The following TNFSF11 variants were observed in gnomAD, a reference collection of about 807,000 sequenced individuals.
TNFSF11 encodes the protein tumor necrosis factor ligand superfamily member 11.
A neutral mutation model predicts 32.2 loss-of-function variants in TNFSF11; 12 were observed. The ratio of observed to expected loss-of-function variants is 0.37; its 90% CI spans 0.24 to 0.60. The LOEUF is 0.60. Among genes scored for constraint, TNFSF11 ranks in the 20% least tolerant of loss-of-function variants. The pLI, the probability that TNFSF11 is intolerant of heterozygous loss-of-function variation, is 0.66. For missense variants in TNFSF11, 345 were observed against 398.0 expected (o/e 0.87, Z 1.13); for synonymous variants, 172 against 152.1 (o/e 1.13, Z -0.96).
At chr13:42,588,931 C>G (rs1013771478) in intron 2 of TNFSF11, among the ~76,000 whole-genome samples, 1 of 152,162 alleles carries the variant, frequency 6.6e-6, no homozygotes, top group African/African-American at 2.4e-5. Flanking sequence ...CTTGCTCAAA[C>G]TTTTGGAAGT....
rs74426857 is a variant in TNFSF11 at position 42,605,945 on chromosome 13, T to G, written c.533-552T>G. The stretch of plus-strand genomic sequence containing the variant: ...CCTCTTCATGAGTTAAAAGAGAAGG[T>G]TGAGACTTGTGACATGTGGAAATTG... On this transcript the variant is annotated intron_variant, in intron 4 of 4. Transcript: ENST00000398795. 7.6e-3 allele frequency among the ~76,000 whole-genome samples: 1,161 copies of G among 152,250 alleles called. 14 individuals carry two copies. Among genetic ancestry groups the G allele is most frequent in the African/African-American group, 0.025 (1,057 of 41,530 alleles).
At chr13:42,577,436 G>C (rs1343957133) in intron 1 of TNFSF11, among the ~76,000 whole-genome samples, 5 of 151,966 alleles carry the variant, frequency 3.3e-5, no homozygotes, top group Non-Finnish European at 7.4e-5. Context: ...CCCTGCCAAA[G>C]AGAAAATAGT....
chr13:42,564,120 A>T (rs1169363551), intron 1 of TNFSF11, among the ~76,000 whole-genome samples: 4 of 150,296 alleles, frequency 2.7e-5, no homozygotes, highest in Non-Finnish European at 4.5e-5. Context: ...AATCTAGTTA[A>T]TTATTAATTT....
chr13:42,596,410 C>T (rs1210360938), intron 2 of TNFSF11, among the ~76,000 whole-genome samples: 1 of 152,132 alleles, frequency 6.6e-6, no homozygotes, highest in African/African-American at 2.4e-5. Context: ...TTCAGAGTTA[C>T]TGCTTCAGGG....
In TNFSF11 at chr13:42,591,006, T is replaced by A. The variant is rs17063458; in HGVS notation, c.387+9713T>A. Among the ~76,000 whole-genome samples the A allele has an allele frequency of 2.9e-3, 437 of 152,248 alleles. 2 individuals carry two copies. Among genetic ancestry groups the A allele is most frequent in the African/African-American group, 9.3e-3 (386 of 41,528 alleles). ...ATTAGCAGACTTCTTTTGGAAGAAA[T>A]GATCCACCAGTGACTGTATTTGGGG... On this transcript the variant is annotated intron_variant, in intron 2 of 4. Coordinates refer to ENST00000398795, the MANE Select transcript of TNFSF11 (RefSeq NM_003701.4).
chr13:42,584,390 G>A (rs1232772111), intron 2 of TNFSF11, among the ~76,000 whole-genome samples: 1 of 152,184 alleles, frequency 6.6e-6, no homozygotes, highest in East Asian at 1.9e-4. Flanking sequence ...ATAAATCCCA[G>A]ATTGAGAGAG....
In TNFSF11 at chr13:42,574,486, C is replaced by A. The variant is rs768343989; in HGVS notation, c.183C>A (p.Val61=). 1.9e-5 allele frequency: 31 copies of A among 1,609,314 alleles called. No homozygotes were observed. In the African/African-American group the frequency reaches 3.2e-4, roughly 17 times the overall value. The change falls in exon 1 of 5, where the codon GTC becomes GTA. Residue 61 remains valine, a synonymous_variant. Coordinates refer to ENST00000398795, the MANE Select transcript of TNFSF11 (RefSeq NM_003701.4). ...ALLGLGLGQV[V]CSVALFFYFR... ...TGGGGCTGGGGCTGGGCCAGGTTGT[C>A]TGCAGCGTCGCCCTGTTCTTCTATT... is the stretch of plus-strand genomic sequence containing the variant.
chr13:42,607,172 C>T lies in TNFSF11; in HGVS notation c.*254C>T, dbSNP rs1039171866. ...TTCCTAGAATTAAACCAGATTGGAG[C>T]AATTACGGGGTGACCTTATGAGAAA... On this transcript the variant is annotated 3_prime_UTR_variant, in exon 5 of 5. Transcript: ENST00000398795. 6 of 475,032 alleles carry T rather than the reference C, an allele frequency of 1.3e-5. No individual in the cohort carries two copies. The highest frequency in any genetic ancestry group is 2.2e-5 in the Non-Finnish European group (6 of 268,872). The allele number at this position is 475,032 out of a possible 1,614,324, so 29.4% of individuals were successfully genotyped here. A position where few individuals can be genotyped will look rare whatever the true frequency, so the allele number is the denominator to read the frequency against.
intron 2 of TNFSF11, among the ~76,000 whole-genome samples, chr13:42,568,105 T>G (rs1457410927): frequency 6.6e-6 from 1 of 152,264 alleles, no homozygotes; most frequent in African/African-American, 2.4e-5. Context: ...CTGTCCCTTC[T>G]TCACCTAATT....
chr13:42,582,082 T>A (rs376108989), intron 2 of TNFSF11, among the ~76,000 whole-genome samples: 74 of 152,346 alleles, frequency 4.9e-4, no homozygotes, highest in African/African-American at 1.6e-3. Flanking sequence ...CATGCATGCA[T>A]CCACTTCTAC....
At chr13:42,579,337 A>C (rs1399975965) in intron 1 of TNFSF11, among the ~76,000 whole-genome samples, 1 of 148,802 alleles carries the variant, frequency 6.7e-6, no homozygotes, top group Non-Finnish European at 1.5e-5. Flanking sequence ...GAGCCCAGGG[A>C]TTTCAAGGCT....
chr13:42,572,086 C>T (rs922161114), upstream of TNFSF11, among the ~76,000 whole-genome samples: 22 of 152,152 alleles, frequency 1.4e-4, no homozygotes, highest in African/African-American at 5.1e-4. Context: ...GAAACAGCAG[C>T]AGGTAGACTG....
At chr13:42,597,340 C>CTT (rs774612741) in intron 2 of TNFSF11, among the ~76,000 whole-genome samples, 92,210 of 124,946 alleles carry the variant, frequency 0.74, 34,950 homozygotes, top group East Asian at 0.97. Context: ...GCCTTTTGTT[C>CTT]TTTTTTTTTT....
At chr13:42,596,275 G>T (rs1868804985) in intron 2 of TNFSF11, among the ~76,000 whole-genome samples, 1 of 152,260 alleles carries the variant, frequency 6.6e-6, no homozygotes, top group South Asian at 2.1e-4. Context: ...GGGTTGGCCA[G>T]TTCTCAGCCA....
chr13:42,584,091 A>G (rs948623073), intron 2 of TNFSF11, among the ~76,000 whole-genome samples: 1 of 152,238 alleles, frequency 6.6e-6, no homozygotes, highest in African/African-American at 2.4e-5. Flanking sequence ...TTATAGGAAT[A>G]AAACTAGAAA....
At chr13:42,571,177 G>A (rs1263887183), upstream of TNFSF11, among the ~76,000 whole-genome samples, 6 of 152,140 alleles carry the variant, frequency 3.9e-5, no homozygotes, top group Admixed American at 3.9e-4. Flanking sequence ...GAGCCACCTG[G>A]GTGAGGAGAG....
chr13:42,571,574 C>T (rs1190476565), upstream of TNFSF11: 1 of 152,044 alleles, frequency 6.6e-6, no homozygotes, highest in Admixed American at 6.6e-5. Context: ...TCCCTATGTT[C>T]CCCAGGCTAT....
At chr13:42,585,659 G>A (rs551343758) in intron 2 of TNFSF11, among the ~76,000 whole-genome samples, 11 of 152,256 alleles carry the variant, frequency 7.2e-5, no homozygotes, top group South Asian at 2.1e-4. Flanking sequence ...TCTGCCAGCC[G>A]GGGGGTGAGG....
intron 2 of TNFSF11, among the ~76,000 whole-genome samples, chr13:42,598,048 T>C (rs1334524788): frequency 6.6e-6 from 1 of 152,120 alleles, no homozygotes; most frequent in Non-Finnish European, 1.5e-5. Context: ...GGTCTCCTTA[T>C]GTTGCCCAAG....
Sources: allele counts gnomAD v4.1 joint callset (sites outside exome capture counted in the v4.1 genomes callset), GRCh38; gene constraint gnomAD v4.1.1; transcripts MANE v1.5; gene names NCBI Gene and HGNC (gene_info 2026-07-23, HGNC 2026-07-21).